Variants in WDFY4 observed in about 807,000 individuals in gnomAD.
WDFY4 encodes the protein WD repeat- and FYVE domain-containing protein 4.
Under a neutral mutation model 351.9 loss-of-function variants are expected in WDFY4, and 169 were observed. The observed-to-expected ratio is 0.48, with a 90% CI of 0.42 to 0.55. The LOEUF (loss-of-function observed/expected upper bound fraction) is 0.55, where lower values mean the gene tolerates loss of function less well. Among genes scored for constraint, WDFY4 ranks in the 20% least tolerant of loss-of-function variants. The pLI is 0.00. For missense variants in WDFY4, 3,803 were observed against 3,935.6 expected (o/e 0.97, Z 0.90); for synonymous variants, 1,622 against 1,574.6 (o/e 1.03, Z -0.71).
intron 1 of WDFY4, among the ~76,000 whole-genome samples, chr10:48,708,093 G>A (rs74321641): frequency 0.03 from 4,536 of 152,284 alleles, 99 homozygotes; most frequent in South Asian, 0.085. Flanking sequence ...ATGTTTTCTG[G>A]GTATGGGCAA....
rs1231646211 is a variant in WDFY4 at position 48,741,390 on chromosome 10, T to C, written c.1879-1578T>C. 1.6e-4 allele frequency among the ~76,000 whole-genome samples: 22 copies of C among 138,420 alleles called. No homozygotes were observed. In the Admixed American group the frequency reaches 1.8e-3, roughly 11 times the overall value. 90.8% of individuals were successfully genotyped at this position (138,420 alleles called of 152,430 possible). On this transcript the variant is annotated intron_variant, in intron 11 of 61. Transcript: ENST00000325239. Reference sequence around the variant, plus strand: ...ATCACTTGAACTGGGGAGGCAGAGGTTACATTGAGCCAAGATCTCGCCACT... The same window carrying C: ...ATCACTTGAACTGGGGAGGCAGAGGCTACATTGAGCCAAGATCTCGCCACT...
At chr10:48,705,046 T>A (rs1237159888) in intron 1 of WDFY4, among the ~76,000 whole-genome samples, 1 of 152,164 alleles carries the variant, frequency 6.6e-6, no homozygotes, top group Non-Finnish European at 1.5e-5. Flanking sequence ...ACCCACTGTG[T>A]TCAAACCCCA....
In WDFY4 at chr10:48,778,725, G is replaced by A. The variant is rs952804690; in HGVS notation, c.3290G>A (p.Arg1097His). Residue 1097 changes from arginine to histidine, a missense_variant, in exon 18 of 62, where the codon CGC becomes CAC. Around this residue, in one of 3 missense-constraint regions of WDFY4, gnomAD observed 3,054 missense variants for 3,148.6 expected, o/e 0.97. Coordinates refer to ENST00000325239, the MANE Select transcript of WDFY4 (RefSeq NM_001394531.1). ...CCGCTGCGCTTCCTGACGTTGGTGC[G>A]CCACCTGGCCAGGACTGAGCAACCC... ...GHPLRFLTLV[R>H]HLARTEQPFV... The A allele has an allele frequency of 3.4e-5, 53 of 1,551,456 alleles. No individual in the cohort carries two copies. In the East Asian group the frequency reaches 4.2e-4, roughly 12 times the overall value.
intron 53 of WDFY4, among the ~76,000 whole-genome samples, chr10:48,960,163 CCTCCCAGGGA>C (rs1374110566): frequency 1.1e-4 from 17 of 152,312 alleles, no homozygotes; most frequent in Admixed American, 2.0e-4. Flanking sequence ...GGGTTTGGAG[CCTCCCAGGGA>C]CTCCCACTGG....
At chr10:48,722,472 G>A (rs1269021720) in intron 4 of WDFY4, among the ~76,000 whole-genome samples, 4 of 152,216 alleles carry the variant, frequency 2.6e-5, no homozygotes, top group Non-Finnish European at 5.9e-5. Flanking sequence ...ACATTGCACT[G>A]TAAACCTTTC....
At chr10:48,790,318 C>A (rs2066635554) in intron 22 of WDFY4, among the ~76,000 whole-genome samples, 1 of 152,148 alleles carries the variant, frequency 6.6e-6, no homozygotes, top group African/African-American at 2.4e-5. Context: ...AACTGCTGGT[C>A]ACCATTCAAT....
intron 12 of WDFY4, among the ~76,000 whole-genome samples, chr10:48,747,335 C>A (rs1050640328): frequency 6.6e-6 from 1 of 152,068 alleles, no homozygotes; most frequent in Non-Finnish European, 1.5e-5. Flanking sequence ...TCTCAATGTA[C>A]ATTATTTTAA....
intron 11 of WDFY4, among the ~76,000 whole-genome samples, chr10:48,736,585 A>G (rs1203202631): frequency 2.0e-5 from 3 of 152,234 alleles, no homozygotes; most frequent in Non-Finnish European, 4.4e-5. Context: ...TCTGATGAGC[A>G]TTTATTGAGC....
intron 12 of WDFY4, among the ~76,000 whole-genome samples, chr10:48,749,939 T>A (rs1460044878): frequency 1.3e-5 from 2 of 152,200 alleles, no homozygotes; most frequent in African/African-American, 4.8e-5. Context: ...CAGTCACCTT[T>A]ACCTTGAACT....
At chr10:48,810,425 A>G in intron 28 of WDFY4, 105 bp from the exon 29 acceptor site, 1 of 1,068,968 alleles carries the variant, frequency 9.4e-7, no homozygotes, top group Non-Finnish European at 1.3e-6. Flanking sequence ...GTTAACCTTA[A>G]CTTGCCTCTC....
chr10:48,978,528 A>G, intron 60 of WDFY4, 135 bp downstream of exon 60: 1 of 778,672 alleles, frequency 1.3e-6, no homozygotes, highest in Non-Finnish European at 2.0e-6. Flanking sequence ...AGGCACAGAG[A>G]GGTTCAGTGA....
chr10:48,695,128 T>C (rs897043585), intron 1 of WDFY4, among the ~76,000 whole-genome samples: 1 of 152,234 alleles, frequency 6.6e-6, no homozygotes, highest in Non-Finnish European at 1.5e-5. Flanking sequence ...TGTGCTGGTA[T>C]CTGTGGAGGG....
At position 48,811,716 on chromosome 10, in the gene WDFY4, T is replaced by G; in HGVS notation, c.5214+8T>G. 1 of 1,551,326 alleles carries G rather than the reference T, an allele frequency of 6.4e-7. No homozygotes were observed. The highest frequency in any genetic ancestry group is 1.4e-5 in the African/African-American group (1 of 73,156). On this transcript the variant is annotated splice_region_variant and intron_variant, in intron 30 of 61. Transcript: ENST00000325239. ...CTGATGGACGGGCCCAAAGTAGGTT[T>G]TCAGAGCACCCACAGGGTGACACAC...
chr10:48,866,360 T>G (rs2069543590), intron 39 of WDFY4, among the ~76,000 whole-genome samples: 1 of 152,126 alleles, frequency 6.6e-6, no homozygotes, highest in Non-Finnish European at 1.5e-5. Flanking sequence ...GAATGTGCTT[T>G]TAAATCTACA....
At chr10:48,734,058 C>T (rs1173670490) in intron 10 of WDFY4, 23 bp downstream of exon 10, 5 of 1,541,100 alleles carry the variant, frequency 3.2e-6, no homozygotes, top group Non-Finnish European at 2.6e-6. Flanking sequence ...CCAAGTTTGC[C>T]TCATCACTGC....
chr10:48,746,100 G>T, intron 12 of WDFY4: 1 of 156,932 alleles, frequency 6.4e-6, no homozygotes, highest in East Asian at 1.9e-4. Context: ...GGTAGCCTCG[G>T]TCTCCAGCAC....
At chr10:48,709,987 A>G in intron 2 of WDFY4, 21 bp downstream of exon 2, 1 of 1,537,352 alleles carries the variant, frequency 6.5e-7, no homozygotes, top group Non-Finnish European at 8.8e-7. Flanking sequence ...TTATTTTTGA[A>G]ACTGTAAGGT....
chr10:48,836,765 C>A (rs1419411249), intron 39 of WDFY4, among the ~76,000 whole-genome samples: 1 of 152,286 alleles, frequency 6.6e-6, no homozygotes, highest in South Asian at 2.1e-4. Flanking sequence ...TGAGTGTCAG[C>A]TTGTTGGACA....
chr10:48,943,759 A>G (rs2133769760), intron 49 of WDFY4, among the ~76,000 whole-genome samples: 1 of 151,998 alleles, frequency 6.6e-6, no homozygotes, highest in African/African-American at 2.4e-5. Context: ...TGCCTGGCTA[A>G]TTTTTTTTGT....
Sources: gnomAD v4.1 joint callset for allele counts (sites outside exome capture counted in the v4.1 genomes callset) on GRCh38, gnomAD v4.1.1 for gene constraint, gnomAD v4.1.1 regional missense constraint, MANE v1.5 for transcripts, NCBI Gene and HGNC (gene_info 2026-07-23, HGNC 2026-07-21) for gene names.